The following UNC79 variants were observed in gnomAD, a reference collection of about 807,000 sequenced individuals.
The protein encoded by UNC79 is protein unc-79 homolog.
In UNC79, 37 loss-of-function variants were observed where a neutral mutation model predicts 283.1. The observed-to-expected ratio is 0.13, with a 90% confidence interval of 0.10 to 0.17. The LOEUF (loss-of-function observed/expected upper bound fraction) is 0.17, where lower values mean the gene tolerates loss of function less well. Among genes scored for constraint, UNC79 ranks in the 10% least tolerant of loss-of-function variants. The probability of loss-of-function intolerance (pLI) is 1.00; values close to 1 mark genes in which losing one functional copy is unlikely to be tolerated. For synonymous variants in UNC79, 1,107 were observed against 1,200.2 expected (o/e 0.92, Z 1.61); for missense variants, 2,272 against 3,211.1 (o/e 0.71, Z 7.07).
At chr14:93,466,075 A>C (rs2057165701) in intron 1 of UNC79, among the ~76,000 whole-genome samples, 1 of 152,240 alleles carries the variant, frequency 6.6e-6, no homozygotes, top group African/African-American at 2.4e-5. Context: ...CAGGAAAAAA[A>C]GTTATTTACT....
intron 1 of UNC79, among the ~76,000 whole-genome samples, chr14:93,395,810 C>CT (rs908380222): frequency 2.0e-5 from 3 of 151,506 alleles, no homozygotes; most frequent in Non-Finnish European, 4.4e-5. Flanking sequence ...TGGTTTGTTT[C>CT]TTTTTTTTGG....
At chr14:93,431,271 C>T (rs944777416) in intron 1 of UNC79, among the ~76,000 whole-genome samples, 4 of 151,820 alleles carry the variant, frequency 2.6e-5, no homozygotes, top group African/African-American at 9.7e-5. Context: ...CGGTCTTCCT[C>T]GGGCTCCAGC....
intron 1 of UNC79, among the ~76,000 whole-genome samples, chr14:93,404,222 G>A (rs1595435569): frequency 1.7e-5 from 2 of 117,646 alleles, no homozygotes. Flanking sequence ...GTTGGGAAGA[G>A]GATTGAAATA....
intron 1 of UNC79, among the ~76,000 whole-genome samples, chr14:93,394,557 C>T (rs2054954002): frequency 6.6e-6 from 1 of 151,524 alleles, no homozygotes; most frequent in Admixed American, 6.6e-5. Context: ...ATTACAGGCA[C>T]CCGCCACTGC....
chr14:93,530,740 A>T (rs367901226), intron 10 of UNC79, among the ~76,000 whole-genome samples: 4 of 151,986 alleles, frequency 2.6e-5, no homozygotes, highest in African/African-American at 7.2e-5. Flanking sequence ...AAACCCCGTC[A>T]CTACTAAAAA....
intron 1 of UNC79, among the ~76,000 whole-genome samples, chr14:93,361,228 A>G (rs1295913705): frequency 1.4e-5 from 2 of 142,150 alleles, no homozygotes; most frequent in Non-Finnish European, 3.1e-5. Flanking sequence ...AAAAAAAAAA[A>G]AAAAAAAAGA....
intron 39 of UNC79, among the ~76,000 whole-genome samples, chr14:93,661,061 C>T (rs541479861): frequency 6.6e-6 from 1 of 152,242 alleles, no homozygotes; most frequent in East Asian, 1.9e-4. Context: ...AAAGTGCATT[C>T]ATTTTCATAT....
rs1193285563 is a variant in UNC79, at chr14:93,474,202, A to C, written c.257A>C (p.Gln86Pro). 22 of 1,535,930 alleles carry C rather than the reference A, an allele frequency of 1.4e-5. No homozygotes were observed. The highest frequency in any genetic ancestry group is 3.5e-6 in the Non-Finnish European group (4 of 1,146,858). Residue 86 changes from glutamine (Q) to proline (P), a missense_variant, in exon 3 of 49, where the codon CAG (glutamine) becomes CCG (proline). Around this residue, in one of 11 missense-constraint regions of UNC79, gnomAD observed 194 missense variants for 268.9 expected, o/e 0.72. Transcript: ENST00000555664. The surrounding 1 kb of genome is among the most constrained non-coding windows in gnomAD (Gnocchi z 4.1). ...CCACTCACCCCATCTCTAAGACCGC[A>C]GGTCAGTTCCATCAACCCTACTGTT...
intron 17 of UNC79, among the ~76,000 whole-genome samples, chr14:93,576,792 G>A (rs1033256020): frequency 4.6e-4 from 58 of 127,464 alleles, no homozygotes; most frequent in African/African-American, 2.8e-3. Context: ...GCAGGGAGAG[G>A]GGAGAAATAC....
At position 93,478,120 on chromosome 14, in the gene UNC79, A is replaced by G. The variant is rs112875667; in HGVS notation, c.619+392A>G. ...GGATCTAATAGAAAGAGCATTAGAT[A>G]GTCAGGATGTGTAAATTCTGGTCCC... On this transcript the variant is annotated intron_variant, in intron 4 of 48. Transcript: ENST00000555664. Among the ~76,000 whole-genome samples, 1,344 of 152,308 alleles carry G rather than the reference A, an allele frequency of 8.8e-3. 25 individuals carry two copies. The highest frequency in any genetic ancestry group is 0.031 in the African/African-American group (1,273 of 41,570).
intron 5 of UNC79, among the ~76,000 whole-genome samples, chr14:93,492,722 G>A (rs1348146245): frequency 2.0e-5 from 3 of 152,184 alleles, no homozygotes; most frequent in Non-Finnish European, 4.4e-5. Flanking sequence ...CAAAGGAACT[G>A]TCCAGGTATG....
At position 93,582,236 on chromosome 14, in the gene UNC79, T is replaced by C. The variant is rs776314742; in HGVS notation, c.2695T>C (p.Ser899Pro). The C allele has an allele frequency of 4.3e-6, 7 of 1,614,052 alleles. No individual in the cohort carries two copies. The South Asian group carries it at 4.4e-5, about 10-fold the overall frequency. ...AGACAGCCTGGAGGATAGCCTCCTTTCTTCCAGACCAGAGTTTATCATAGG... is the reference window on the plus strand; with the variant it reads ...AGACAGCCTGGAGGATAGCCTCCTTCCTTCCAGACCAGAGTTTATCATAGG... The change falls in exon 20 of 49, where the codon TCT (serine) becomes CCT (proline). Residue 899 changes from serine (S) to proline (P), a missense_variant. This residue lies in a region of UNC79 where 356 missense variants were observed against 416.2 expected (regional missense o/e 0.86). Coordinates refer to ENST00000555664, the Ensembl canonical transcript of UNC79.
chr14:93,552,734 T>C (rs1283456743), intron 14 of UNC79, among the ~76,000 whole-genome samples: 1 of 152,200 alleles, frequency 6.6e-6, no homozygotes, highest in Non-Finnish European at 1.5e-5. Flanking sequence ...GGAACTTTGT[T>C]TTGTAAGGAT....
rs774645016 is a variant in UNC79 at position 93,621,698 on chromosome 14, A to C, written c.4465A>C (p.Ile1489Leu). 3.1e-6 allele frequency: 5 copies of C among 1,613,700 alleles called. No individual in the cohort carries two copies. In the South Asian group the frequency reaches 5.5e-5, roughly 18 times the overall value. The change falls in exon 30 of 49, where the codon ATT becomes CTT. Residue 1489 changes from isoleucine (I) to leucine (L), a missense_variant. Physicochemically the swap from Ile to Leu is conservative, Grantham distance 5. Coordinates refer to ENST00000555664, the Ensembl canonical transcript of UNC79. This position sits in a 1 kb window ranked among gnomAD's most constrained non-coding sequence, Gnocchi z 4.8. ...TCTCCACTGTGTGAGAGAAGAAAGCATTCCGAAAAAAAAGCTACGCTCTTT... is the reference window on the plus strand; with the variant it reads ...TCTCCACTGTGTGAGAGAAGAAAGCCTTCCGAAAAAAAAGCTACGCTCTTT...
At chr14:93,445,288 T>A (rs534676785) in intron 1 of UNC79, among the ~76,000 whole-genome samples, 1 of 152,190 alleles carries the variant, frequency 6.6e-6, no homozygotes, top group African/African-American at 2.4e-5. Context: ...CCAATCTGTA[T>A]GCCTTTTATT....
chr14:93,385,315 T>C (rs952685391), intron 1 of UNC79, among the ~76,000 whole-genome samples: 1 of 152,234 alleles, frequency 6.6e-6, no homozygotes, highest in African/African-American at 2.4e-5. Flanking sequence ...GAAATCTCTT[T>C]CTATTTTTTG....
At chr14:93,542,553 G>A in exon 14 of UNC79, 1 of 1,614,224 alleles carries the variant, frequency 6.2e-7, no homozygotes, top group Non-Finnish European at 8.5e-7. Context: ...TCACTCCACT[G>A]CGTATATGAT....
intron 5 of UNC79, among the ~76,000 whole-genome samples, chr14:93,489,718 G>A (rs1270052219): frequency 6.6e-6 from 1 of 152,252 alleles, no homozygotes; most frequent in Non-Finnish European, 1.5e-5. Context: ...TGAGGTGGTG[G>A]CCCTGCATAG....
chr14:93,598,407 T>G (rs953258225), intron 24 of UNC79, among the ~76,000 whole-genome samples: 67 of 30,058 alleles, frequency 2.2e-3, no homozygotes, highest in African/African-American at 3.8e-3. Context: ...TGTGTGTGTG[T>G]GTGGCAGATT....
Sources: gnomAD v4.1 joint callset for allele counts (sites outside exome capture counted in the v4.1 genomes callset) on GRCh38, gnomAD v4.1.1 for gene constraint, gnomAD v4.1.1 regional missense constraint, Gnocchi (gnomAD v3.1) non-coding constraint, MANE v1.5 for transcripts, NCBI Gene and HGNC (gene_info 2026-07-23, HGNC 2026-07-21) for gene names.